The following CNIH1 variants were observed in gnomAD, a reference collection of about 807,000 sequenced individuals.
The protein encoded by CNIH1 is protein cornichon homolog 1.
In CNIH1, 12 loss-of-function variants were observed where a neutral mutation model predicts 20.2. That is an observed-to-expected ratio of 0.59 (90% CI 0.38 to 0.96). The LOEUF (loss-of-function observed/expected upper bound fraction) is 0.96. CNIH1 is among the 40% of genes least tolerant of loss of function. The pLI is 0.00. For missense variants in CNIH1, 152 were observed against 178.8 expected, an observed-to-expected ratio of 0.85 and a Z score of 0.85; for synonymous variants, 69 against 63.3, an observed-to-expected ratio of 1.09 and a Z score of -0.43.
At chr14:54,431,926 A>C (rs1185486427) in intron 3 of CNIH1, among the ~76,000 whole-genome samples, 182 bp downstream of exon 3, 1 of 152,250 alleles carries the variant, frequency 6.6e-6, no homozygotes, top group Non-Finnish European at 1.5e-5. Context: ...TCCTTTAAAA[A>C]TAAAGTAAGC....
At chr14:54,433,568 G>A (rs1324926796) in intron 2 of CNIH1, among the ~76,000 whole-genome samples, 1 of 152,120 alleles carries the variant, frequency 6.6e-6, no homozygotes, top group Non-Finnish European at 1.5e-5. Flanking sequence ...AAGGGCCATA[G>A]GACTCTGAAA....
intron 1 of CNIH1, among the ~76,000 whole-genome samples, chr14:54,438,653 G>A (rs1778922727): frequency 6.6e-6 from 1 of 152,192 alleles, no homozygotes; most frequent in South Asian, 2.1e-4. Flanking sequence ...CTAATACAGT[G>A]ATTAATGTAA....
In CNIH1 at chr14:54,424,903, T is replaced by G. The variant is rs1165434975; in HGVS notation, c.*2911A>C. ...ACTATTACTTATACTCGATCCATAC[T>G]CAAGTCAAAAGTGGATGGTCTTGGT... On this transcript the variant is annotated 3_prime_UTR_variant, in exon 5 of 5. Coordinates refer to ENST00000216416, the MANE Select transcript of CNIH1 (RefSeq NM_005776.3). 1.3e-5 allele frequency: 2 copies of G among 152,208 alleles called. No homozygotes were observed. Among genetic ancestry groups the G allele is most frequent in the African/African-American group, 4.8e-5 (2 of 41,450 alleles). 9.4% of individuals were successfully genotyped at this position (152,208 alleles called of 1,614,324 possible).
At position 54,430,422 on chromosome 14, in the gene CNIH1, T is replaced by A. The variant is rs1455067860; in HGVS notation, c.264-18A>T. 1 of 1,590,928 alleles carries A rather than the reference T, an allele frequency of 6.3e-7. No individual in the cohort carries two copies. The highest frequency in any genetic ancestry group is 1.3e-5 in the African/African-American group (1 of 74,170). On this transcript the variant is annotated intron_variant, in intron 3 of 4. Transcript: ENST00000216416. ...TCATATACCTGGAATAAACACAGTC[T>A]ATTAGGCATTCAGAAAGGGCAGTAA...
In CNIH1 at chr14:54,436,414, C is replaced by G. The variant is rs1423057371; in HGVS notation, c.105G>C (p.Lys35Asn). 1 of 1,574,068 alleles carries G rather than the reference C, an allele frequency of 6.4e-7. No homozygotes were observed. The highest frequency in any genetic ancestry group is 1.3e-5 in the African/African-American group (1 of 74,148). The change falls in exon 2 of 5, where the codon AAG (lysine) becomes AAC (asparagine). Residue 35 changes from lysine to asparagine, a missense_variant. Coordinates refer to ENST00000216416, the MANE Select transcript of CNIH1 (RefSeq NM_005776.3). ...GGTCTATAGGATTCTTGTAATCAGT[C>G]TTCAGCTCATCAAATGCTATAATCT... is the stretch of plus-strand genomic sequence containing the variant. ...IWHIIAFDEL[K>N]TDYKNPIDQC... is the part of the protein sequence containing the mutation.
intron 2 of CNIH1, among the ~76,000 whole-genome samples, 171 bp from the exon 3 acceptor site, chr14:54,432,391 T>C (rs2030967412): frequency 6.6e-6 from 1 of 152,246 alleles, no homozygotes; most frequent in Admixed American, 6.5e-5. Flanking sequence ...TTACCAAAAG[T>C]AGGATTACAG....
chr14:54,435,574 C>G (rs2031038346), intron 2 of CNIH1, among the ~76,000 whole-genome samples: 1 of 152,230 alleles, frequency 6.6e-6, no homozygotes, highest in Non-Finnish European at 1.5e-5. Context: ...TTATGGCACC[C>G]TAAGTCCAAA....
chr14:54,427,533 G>C lies in CNIH1; in HGVS notation c.*281C>G. The C allele has an allele frequency of 2.3e-6, 1 of 428,160 alleles. No homozygotes were observed. The highest frequency in any genetic ancestry group is 4.2e-6 in the Non-Finnish European group (1 of 240,802). The allele number at this position is 428,160 out of a possible 1,614,324, so 26.5% of individuals were successfully genotyped here. A position where few individuals can be genotyped will look rare whatever the true frequency, so the allele number is the denominator to read the frequency against. ...ATGCATCATTCAGAGGATTATGGCT[G>C]TTCCTTAAGAAGTGCAAGTTCAAAC... is the stretch of plus-strand genomic sequence containing the variant. On this transcript the variant is annotated 3_prime_UTR_variant, in exon 5 of 5. Transcript: ENST00000216416.
Position 54,441,235 on chromosome 14 carries a change from C to T in CNIH1, c.81+12G>A. On this transcript the variant is annotated intron_variant, in intron 1 of 4. Coordinates refer to ENST00000216416, the MANE Select transcript of CNIH1 (RefSeq NM_005776.3). ...CCGCCTCGCCCTCCTTTCCCCAGCC[C>T]CAGCTACTCACGTGCCAAATGGCGA... 6.6e-7 allele frequency: 1 copy of T among 1,505,782 alleles called. No homozygotes were observed. Among genetic ancestry groups the T allele is most frequent in the Non-Finnish European group, 8.9e-7 (1 of 1,125,130 alleles). 93.3% of individuals were successfully genotyped at this position (1,505,782 alleles called of 1,614,324 possible). A position where few individuals can be genotyped will look rare whatever the true frequency, so the allele number is the denominator to read the frequency against.
chr14:54,430,541 C>T (rs2030913472), intron 3 of CNIH1, 137 bp from the exon 4 acceptor site: 2 of 763,574 alleles, frequency 2.6e-6, no homozygotes, highest in Non-Finnish European at 4.0e-6. Flanking sequence ...GGGTAAAATG[C>T]TTTCCTTTTA....
At chr14:54,432,313 A>G in intron 2 of CNIH1, 93 bp from the exon 3 acceptor site, 1 of 555,918 alleles carries the variant, frequency 1.8e-6, no homozygotes, top group Non-Finnish European at 3.2e-6. Context: ...TTCCATAATG[A>G]AAAATCACTG....
chr14:54,432,252 T>C, intron 2 of CNIH1, 32 bp from the exon 3 acceptor site: 1 of 1,241,814 alleles, frequency 8.1e-7, no homozygotes, highest in South Asian at 1.4e-5. Context: ...GTTATCAAAA[T>C]GCCTCAGCAT....
Position 54,436,379 on chromosome 14 carries a change from G to A in CNIH1, c.140C>T (p.Thr47Ile). The A allele has an allele frequency of 6.6e-7, 1 of 1,520,412 alleles. No homozygotes were observed. The highest frequency in any genetic ancestry group is 9.1e-7 in the Non-Finnish European group (1 of 1,096,678). The allele number at this position is 1,520,412 out of a possible 1,614,324, so 94.2% of individuals were successfully genotyped here. Reference protein sequence around the residue: ...DYKNPIDQCNTLNPLVLPEYL... With the variant: ...DYKNPIDQCNILNPLVLPEYL... Reference sequence around the variant, plus strand: ...TATATTATAACTTACGGGATTCAGGGTATTACACTGGTCTATAGGATTCTT... The same window carrying A: ...TATATTATAACTTACGGGATTCAGGATATTACACTGGTCTATAGGATTCTT... Residue 47 changes from threonine to isoleucine, a missense_variant, in exon 2 of 5, where the codon ACC (threonine) becomes ATC (isoleucine). By Grantham distance (89) the Thr-to-Ile change is moderately conservative. Around this residue, in one of 3 missense-constraint regions of CNIH1, gnomAD observed 97 missense variants for 100.6 expected, o/e 0.96. Transcript: ENST00000216416.
Position 54,425,372 on chromosome 14 carries a change from C to A in CNIH1, c.*2442G>T, listed in dbSNP as rs901108618. The stretch of plus-strand genomic sequence containing the variant: ...ATAAAGCACATAATACCAAAAGTAA[C>A]TGTAATAAGGAGAAAAAAAAAAAGA... On this transcript the variant is annotated 3_prime_UTR_variant, in exon 5 of 5. Transcript: ENST00000216416. 7.0e-6 allele frequency: 1 copy of A among 143,692 alleles called. No homozygotes were observed. 8.9% of individuals were successfully genotyped at this position (143,692 alleles called of 1,614,324 possible). A position where few individuals can be genotyped will look rare whatever the true frequency, so the allele number is the denominator to read the frequency against.
chr14:54,436,702 C>T (rs567424166), intron 1 of CNIH1: 6 of 525,292 alleles, frequency 1.1e-5, no homozygotes, highest in South Asian at 1.0e-4. Context: ...TGCCTCTGCT[C>T]AAGTTATTTC....
chr14:54,426,281 T>C lies in CNIH1; in HGVS notation c.*1533A>G, dbSNP rs9323264. On this transcript the variant is annotated 3_prime_UTR_variant, in exon 5 of 5. Coordinates refer to ENST00000216416, the MANE Select transcript of CNIH1 (RefSeq NM_005776.3). ...ACATACTCACCCCCATTACCCAGAA[T>C]AGTTAACAGCTACTCTCTCCCAACC... The C allele has an allele frequency of 0.13, 19,253 of 152,216 alleles. 1,324 individuals are homozygous for C. Among genetic ancestry groups the C allele is most frequent in the Non-Finnish European group, 0.15 (10,416 of 67,996 alleles). The allele number at this position is 152,216 out of a possible 1,614,324, so 9.4% of individuals were successfully genotyped here.
Position 54,426,539 on chromosome 14 carries a change from T to C in CNIH1, c.*1275A>G, listed in dbSNP as rs1305510862. The C allele has an allele frequency of 6.6e-6, 1 of 152,226 alleles. No individual in the cohort carries two copies. The highest frequency in any genetic ancestry group is 2.4e-5 in the African/African-American group (1 of 41,464). 9.4% of individuals were successfully genotyped at this position (152,226 alleles called of 1,614,324 possible). On this transcript the variant is annotated 3_prime_UTR_variant, in exon 5 of 5. Coordinates refer to ENST00000216416, the MANE Select transcript of CNIH1 (RefSeq NM_005776.3). Reference sequence around the variant, plus strand: ...CTCATCCCAAATAAAGCACAAGATTTATTTATGCTTATGAAAACATGCAAG... The same window carrying C: ...CTCATCCCAAATAAAGCACAAGATTCATTTATGCTTATGAAAACATGCAAG...
Position 54,430,372 on chromosome 14 carries a change from C to G in CNIH1, c.296G>C (p.Gly99Ala). 6.2e-7 allele frequency: 1 copy of G among 1,614,078 alleles called. No homozygotes were observed. Among genetic ancestry groups the G allele is most frequent in the African/African-American group, 1.3e-5 (1 of 75,044 alleles). The change falls in exon 4 of 5, where the codon GGA (glycine) becomes GCA (alanine). Residue 99 changes from glycine to alanine, a missense_variant. Around this residue, in one of 3 missense-constraint regions of CNIH1, gnomAD observed 27 missense variants for 55.4 expected, o/e 0.49. Coordinates refer to ENST00000216416, the MANE Select transcript of CNIH1 (RefSeq NM_005776.3). Reference protein sequence around the residue: ...YMSRPVMSGPGLYDPTTIMNA... With the variant: ...YMSRPVMSGPALYDPTTIMNA... ...CATGATGGTTGTAGGGTCATAGAGT[C>G]CTGGGCCACTCATCACTGGTCTACT...
Position 54,423,976 on chromosome 14 carries a change from T to C in CNIH1, c.*3838A>G, listed in dbSNP as rs971232358. 6.6e-6 allele frequency: 1 copy of C among 152,216 alleles called. No homozygotes were observed. Among genetic ancestry groups the C allele is most frequent in the Admixed American group, 6.5e-5 (1 of 15,274 alleles). 9.4% of individuals were successfully genotyped at this position (152,216 alleles called of 1,614,324 possible). On this transcript the variant is annotated 3_prime_UTR_variant, in exon 5 of 5. Transcript: ENST00000216416. ...ATTTTCCAAAATCAGCAGAACAAGC[T>C]GCAGTTACTTCTTTTAGACATTTAG...
Sources: allele counts gnomAD v4.1 joint callset (sites outside exome capture counted in the v4.1 genomes callset), GRCh38; gene constraint gnomAD v4.1.1; regional missense constraint gnomAD v4.1.1; transcripts MANE v1.5; gene names NCBI Gene and HGNC (gene_info 2026-07-23, HGNC 2026-07-21).